BANK1: variants seen among roughly 807,000 people sequenced by gnomAD.
The protein encoded by BANK1 is B cell scaffold protein with ankyrin repeats 1, also known as B-cell scaffold protein with ankyrin repeats.
Under a neutral mutation model 94.5 loss-of-function variants are expected in BANK1, and 95 were observed. The observed-to-expected ratio is 1.00, with a 90% CI of 0.85 to 1.19. The LOEUF (loss-of-function observed/expected upper bound fraction) is 1.19, where lower values mean the gene tolerates loss of function less well. Among genes scored for constraint, BANK1 ranks in the 50% most tolerant of loss-of-function variants. BANK1 has a pLI of 0.00. For synonymous variants in BANK1, 334 were observed against 308.4 expected (o/e 1.08, Z -0.87); for missense variants, 987 against 932.2 (o/e 1.06, Z -0.77).
intron 2 of BANK1, among the ~76,000 whole-genome samples, chr4:101,849,365 G>C (rs1453516471): frequency 6.6e-6 from 1 of 152,150 alleles, no homozygotes. Context: ...TGGCTAGAAT[G>C]TTCTCTCTCT....
At chr4:101,966,322 A>G (rs1724754241) in intron 7 of BANK1, among the ~76,000 whole-genome samples, 1 of 152,014 alleles carries the variant, frequency 6.6e-6, no homozygotes, top group Non-Finnish European at 1.5e-5. Flanking sequence ...GAAAATTTTT[A>G]TTAAGCCTCC....
chr4:101,853,490 T>C (rs1727568020), intron 2 of BANK1, among the ~76,000 whole-genome samples: 1 of 152,134 alleles, frequency 6.6e-6, no homozygotes, highest in Non-Finnish European at 1.5e-5. Flanking sequence ...GGATTTTTTT[T>C]CTTGTTGCAA....
At chr4:102,065,085 T>C (rs1195408521) in intron 13 of BANK1, among the ~76,000 whole-genome samples, 1 of 152,176 alleles carries the variant, frequency 6.6e-6, no homozygotes, top group Admixed American at 6.5e-5. Context: ...AGAGAGACAC[T>C]AGAGGTTGAG....
chr4:101,927,084 G>A (rs1560636461), intron 7 of BANK1, among the ~76,000 whole-genome samples: 2 of 151,664 alleles, frequency 1.3e-5, no homozygotes, highest in Non-Finnish European at 3.0e-5. Context: ...ATAAAGAATT[G>A]CCGGAAACTG....
At chr4:102,065,354 C>T (rs907965337) in intron 13 of BANK1, among the ~76,000 whole-genome samples, 1 of 152,066 alleles carries the variant, frequency 6.6e-6, no homozygotes, top group African/African-American at 2.4e-5. Flanking sequence ...AAAAAGAAAA[C>T]ACCTTGGGCT....
chr4:101,823,214 G>T (rs1336751760), intron 1 of BANK1, among the ~76,000 whole-genome samples: 1 of 152,040 alleles, frequency 6.6e-6, no homozygotes, highest in Non-Finnish European at 1.5e-5. Context: ...TTGGAAAGGT[G>T]CAAGATGTTC....
intron 7 of BANK1, among the ~76,000 whole-genome samples, chr4:101,918,802 G>A (rs1004891716): frequency 6.6e-6 from 1 of 151,874 alleles, no homozygotes; most frequent in Non-Finnish European, 1.5e-5. Flanking sequence ...TGTAAATCCT[G>A]TAAGCTTCTG....
At chr4:101,928,004 C>T (rs1723219720) in intron 7 of BANK1, among the ~76,000 whole-genome samples, 1 of 151,610 alleles carries the variant, frequency 6.6e-6, no homozygotes, top group African/African-American at 2.4e-5. Flanking sequence ...GACAGGTCAA[C>T]TAAGATAGGA....
chr4:101,855,483 A>G (rs1031411288), intron 3 of BANK1, among the ~76,000 whole-genome samples: 3 of 152,196 alleles, frequency 2.0e-5, no homozygotes, highest in Non-Finnish European at 2.9e-5. Flanking sequence ...GAACCTAGGC[A>G]ATTAGCAGGC....
intron 6 of BANK1, among the ~76,000 whole-genome samples, chr4:101,905,832 G>A (rs151290292): frequency 0.015 from 2,290 of 152,248 alleles, 33 homozygotes; most frequent in Non-Finnish European, 0.023. Flanking sequence ...CTGAGCAGCC[G>A]AATCTGCAGT....
At position 101,791,209 on chromosome 4, in the gene BANK1, C is replaced by T. The variant is rs757251332; in HGVS notation, c.70+259C>T. On this transcript the variant is annotated intron_variant, in intron 1 of 16. Transcript: ENST00000322953. ...AGCGGGCTACCCTCAGTGTCTGCAA[C>T]TTCTGAGGAGCTGGAACTTTCCCCA... Among the ~76,000 whole-genome samples the T allele has an allele frequency of 8.9e-4, 125 of 140,158 alleles. 3 individuals carry two copies. In the Middle Eastern group the frequency reaches 0.011, roughly 12 times the overall value. The allele number at this position is 140,158 out of a possible 152,430, so 91.9% of individuals were successfully genotyped here.
At chr4:101,881,475 A>G (rs1728674557) in intron 5 of BANK1, among the ~76,000 whole-genome samples, 1 of 152,058 alleles carries the variant, frequency 6.6e-6, no homozygotes, top group African/African-American at 2.4e-5. Flanking sequence ...TCGGAAAGTA[A>G]ATTAGTACAA....
chr4:101,824,265 C>T (rs1368120144), intron 1 of BANK1, among the ~76,000 whole-genome samples: 1 of 152,168 alleles, frequency 6.6e-6, no homozygotes, highest in Non-Finnish European at 1.5e-5. Context: ...AGCGAAAGTC[C>T]TCAGTCAGTA....
At chr4:101,873,922 C>T (rs1728393978) in intron 5 of BANK1, among the ~76,000 whole-genome samples, 2 of 152,000 alleles carry the variant, frequency 1.3e-5, no homozygotes, top group African/African-American at 4.8e-5. Context: ...ATAAAGTTAA[C>T]TTTGTAACTA....
chr4:101,865,735 A>G (rs1239854580), intron 4 of BANK1, among the ~76,000 whole-genome samples: 1 of 152,012 alleles, frequency 6.6e-6, no homozygotes, highest in African/African-American at 2.4e-5. Context: ...CTTCCCTACC[A>G]CCTTATGGTT....
At position 101,808,608 on chromosome 4, in the gene BANK1, C is replaced by A. The variant is rs868511812; in HGVS notation, c.70+17658C>A. On this transcript the variant is annotated intron_variant, in intron 1 of 16. Transcript: ENST00000322953. The stretch of plus-strand genomic sequence containing the variant: ...TGGGAGAAAATATTTGCAAACTATG[C>A]GTCTGACAAAGGACTAATATCCAGA... Among the ~76,000 whole-genome samples the A allele has an allele frequency of 6.7e-4, 102 of 151,614 alleles. 1 individual carries two copies. Among genetic ancestry groups the A allele is most frequent in the African/African-American group, 2.4e-3 (98 of 41,292 alleles).
chr4:101,963,634 T>C (rs941284543), intron 7 of BANK1, among the ~76,000 whole-genome samples: 2 of 152,160 alleles, frequency 1.3e-5, no homozygotes, highest in African/African-American at 2.4e-5. Context: ...CATTAATTCA[T>C]TTAGGCTTCC....
intron 3 of BANK1, among the ~76,000 whole-genome samples, chr4:101,859,664 G>T (rs571668945): frequency 6.6e-6 from 1 of 152,086 alleles, no homozygotes; most frequent in Non-Finnish European, 1.5e-5. Flanking sequence ...GCTTACTCCC[G>T]GGAGTTGAGG....
chr4:101,806,846 G>A (rs1373554664), intron 1 of BANK1, among the ~76,000 whole-genome samples: 5 of 152,000 alleles, frequency 3.3e-5, no homozygotes, highest in Non-Finnish European at 7.4e-5. Context: ...TCAATTCAGG[G>A]GATACACAAA....
Sources: allele counts gnomAD v4.1 joint callset (sites outside exome capture counted in the v4.1 genomes callset), GRCh38; gene constraint gnomAD v4.1.1; transcripts MANE v1.5; gene names NCBI Gene and HGNC (gene_info 2026-07-23, HGNC 2026-07-21).